Variants in IPMK observed in about 807,000 individuals in gnomAD.
The protein encoded by IPMK is inositol polyphosphate multikinase, also known as inositol 1,3,4,6-tetrakisphosphate 5-kinase.
Under a neutral mutation model 45.8 loss-of-function variants are expected in IPMK, and 17 were observed. The observed-to-expected ratio is 0.37, with a 90% CI of 0.25 to 0.56. The LOEUF (loss-of-function observed/expected upper bound fraction) is 0.56. IPMK is among the 20% of genes least tolerant of loss of function. The pLI is 0.79. For synonymous variants in IPMK, 180 were observed against 184.3 expected (o/e 0.98, Z 0.19); for missense variants, 399 against 498.0 (o/e 0.80, Z 1.89).
chr10:58,256,532 T>C (rs541218086), intron 1 of IPMK, among the ~76,000 whole-genome samples: 7 of 152,316 alleles, frequency 4.6e-5, no homozygotes, highest in Non-Finnish European at 1.0e-4. Flanking sequence ...CGCCCTGGCC[T>C]TGTGATCTTG....
At chr10:58,235,851 C>T (rs1173449175) in intron 2 of IPMK, among the ~76,000 whole-genome samples, 1 of 151,444 alleles carries the variant, frequency 6.6e-6, no homozygotes, top group Non-Finnish European at 1.5e-5. Flanking sequence ...GAGAGACAAC[C>T]AGTAGGCTGT....
intron 4 of IPMK, among the ~76,000 whole-genome samples, chr10:58,206,559 A>C (rs1321885656): frequency 6.6e-6 from 1 of 152,228 alleles, no homozygotes; most frequent in East Asian, 1.9e-4. Context: ...GTGAAATCAT[A>C]CAATACCCTA....
chr10:58,221,677 G>A (rs1838338690), intron 3 of IPMK, among the ~76,000 whole-genome samples: 1 of 152,118 alleles, frequency 6.6e-6, no homozygotes, highest in Non-Finnish European at 1.5e-5. Flanking sequence ...TCTCGCTGCA[G>A]CCTCCTGAGT....
intron 2 of IPMK, among the ~76,000 whole-genome samples, chr10:58,230,860 C>A (rs1356893853): frequency 1.3e-5 from 2 of 152,086 alleles, no homozygotes; most frequent in African/African-American, 4.8e-5. Flanking sequence ...TTCACAAGGT[C>A]GGTAATAACA....
Position 58,196,410 on chromosome 10 carries a change from A to C in IPMK, c.917T>G (p.Ile306Arg). 1 of 1,613,920 alleles carries C rather than the reference A, an allele frequency of 6.2e-7. No homozygotes were observed. The highest frequency in any genetic ancestry group is 1.7e-5 in the Admixed American group (1 of 60,022). Residue 306 changes from isoleucine to arginine, a missense_variant, in exon 6 of 6, where the codon ATA (isoleucine) becomes AGA (arginine). Physicochemically the swap from Ile to Arg is moderately conservative, Grantham distance 97. Around this residue, in one of 2 missense-constraint regions of IPMK, gnomAD observed 288 missense variants for 398.0 expected, o/e 0.72. Coordinates refer to ENST00000373935, the MANE Select transcript of IPMK (RefSeq NM_152230.5). Reference protein sequence around the residue: ...HVLSSTANGKIESSVGKSLSK... With the variant: ...HVLSSTANGKRESSVGKSLSK... ...CAAGCTTTTGCCCACTGAAGACTCT[A>C]TTTTTCCATTAGCTGTGGAACTTAA...
intron 1 of IPMK, among the ~76,000 whole-genome samples, chr10:58,265,892 T>C (rs578146522): frequency 9.8e-5 from 15 of 152,344 alleles, no homozygotes; most frequent in African/African-American, 3.6e-4. Flanking sequence ...TTTTAAAATC[T>C]ATTCTCCTTT....
intron 4 of IPMK, among the ~76,000 whole-genome samples, chr10:58,213,398 A>G (rs775327558): frequency 4.6e-5 from 7 of 152,212 alleles, no homozygotes; most frequent in Non-Finnish European, 1.0e-4. Context: ...TAAAGAATAA[A>G]TAGAGGCTGG....
At position 58,194,670 on chromosome 10, in the gene IPMK, C is replaced by T. The variant is rs1388048470; in HGVS notation, c.*1406G>A. 1 of 151,800 alleles carries T rather than the reference C, an allele frequency of 6.6e-6. No homozygotes were observed. The allele number at this position is 151,800 out of a possible 1,614,324, so 9.4% of individuals were successfully genotyped here. On this transcript the variant is annotated 3_prime_UTR_variant, in exon 6 of 6. Coordinates refer to ENST00000373935, the MANE Select transcript of IPMK (RefSeq NM_152230.5). ...TCGGATTTAAAAATTCAATTTGTAA[C>T]TCCAGAAGAAAAAGAGGAGAAAGAA...
At chr10:58,232,210 T>TA (rs746961276) in intron 2 of IPMK, among the ~76,000 whole-genome samples, 7 of 152,256 alleles carry the variant, frequency 4.6e-5, no homozygotes, top group Middle Eastern at 3.4e-3. Context: ...AAAAGAGACT[T>TA]AGACCCCCAC....
chr10:58,234,745 T>C (rs914133518), intron 2 of IPMK, among the ~76,000 whole-genome samples: 6 of 152,124 alleles, frequency 3.9e-5, no homozygotes, highest in African/African-American at 9.7e-5. Flanking sequence ...CCATTCAGGA[T>C]ATAGGCATGG....
intron 3 of IPMK, among the ~76,000 whole-genome samples, chr10:58,217,368 GA>G (rs1838259787): frequency 6.6e-6 from 1 of 151,844 alleles, no homozygotes; most frequent in Non-Finnish European, 1.5e-5. Flanking sequence ...AGTAAGGAAA[GA>G]AATTCTTCCC....
intron 3 of IPMK, among the ~76,000 whole-genome samples, chr10:58,219,589 G>T (rs1182411128): frequency 6.6e-6 from 1 of 152,118 alleles, no homozygotes; most frequent in Non-Finnish European, 1.5e-5. Context: ...GCCAAATTCT[G>T]GATTAACAAA....
Position 58,237,794 on chromosome 10 carries a change from C to G in IPMK, c.211G>C (p.Gly71Arg). ...GGTTGTAACTGTTTCAAAACTGTGC[C>G]ATCTGGATGTTGCAGTATACCTATG... ...DKVGILQHPD[G>R]TVLKQLQPPP... The change falls in exon 2 of 6, where the codon GGC (glycine) becomes CGC (arginine). Residue 71 changes from glycine (G) to arginine (R), a missense_variant. By Grantham distance (125) the Gly-to-Arg change is moderately radical (BLOSUM62 -2). Transcript: ENST00000373935. The G allele has an allele frequency of 6.2e-7, 1 of 1,613,690 alleles. No individual in the cohort carries two copies. The highest frequency in any genetic ancestry group is 8.5e-7 in the Non-Finnish European group (1 of 1,179,682).
intron 2 of IPMK, among the ~76,000 whole-genome samples, chr10:58,235,172 T>C (rs1199620469): frequency 1.3e-5 from 2 of 152,138 alleles, no homozygotes; most frequent in African/African-American, 2.4e-5. Flanking sequence ...AAACAACAGA[T>C]GCTGGAGAGG....
Position 58,237,804 on chromosome 10 carries a change from T to C in IPMK, c.201A>G (p.Gln67=), listed in dbSNP as rs1407283975. 1.2e-6 allele frequency: 2 copies of C among 1,613,008 alleles called. No homozygotes were observed. Among genetic ancestry groups the C allele is most frequent in the Non-Finnish European group, 1.7e-6 (2 of 1,179,146 alleles). Residue 67 remains glutamine, a synonymous_variant, in exon 2 of 6, where the codon CAA becomes CAG. Coordinates refer to ENST00000373935, the MANE Select transcript of IPMK (RefSeq NM_152230.5). ...GTTTCAAAACTGTGCCATCTGGATG[T>C]TGCAGTATACCTATGGAACAAAAAT... The part of the protein sequence containing the change: ...MYGKDKVGIL[Q]HPDGTVLKQL...
At chr10:58,210,940 G>A (rs1002452792) in intron 4 of IPMK, among the ~76,000 whole-genome samples, 17 of 152,170 alleles carry the variant, frequency 1.1e-4, no homozygotes, top group South Asian at 6.2e-4. Context: ...GTCCATCCAC[G>A]TGGAAGATGC....
intron 2 of IPMK, among the ~76,000 whole-genome samples, chr10:58,228,739 T>C (rs1436205927): frequency 3.3e-5 from 5 of 152,218 alleles, no homozygotes. Context: ...TTCACCGTGT[T>C]AGCCAGGATG....
chr10:58,207,639 A>C (rs1393975111), intron 4 of IPMK, among the ~76,000 whole-genome samples: 1 of 152,098 alleles, frequency 6.6e-6, no homozygotes, highest in African/African-American at 2.4e-5. Context: ...TGGAGTACTG[A>C]AGTGCCCCAC....
chr10:58,246,528 A>C (rs1041902785), intron 1 of IPMK, among the ~76,000 whole-genome samples: 5 of 140,016 alleles, frequency 3.6e-5, no homozygotes, highest in African/African-American at 9.1e-5. Context: ...ATCTTTGACA[A>C]ACCTGATAAA....
Sources: allele counts gnomAD v4.1 joint callset (sites outside exome capture counted in the v4.1 genomes callset), GRCh38; gene constraint gnomAD v4.1.1; regional missense constraint gnomAD v4.1.1; transcripts MANE v1.5; gene names NCBI Gene and HGNC (gene_info 2026-07-23, HGNC 2026-07-21).